SMYD4: variants seen among roughly 807,000 people sequenced by gnomAD.
The protein encoded by SMYD4 is SET and MYND domain containing 4.
In SMYD4, 68 loss-of-function variants were observed where a neutral mutation model predicts 72.8. The observed-to-expected ratio is 0.93, with a 90% CI of 0.77 to 1.14. The LOEUF (loss-of-function observed/expected upper bound fraction) is 1.14, where lower values mean the gene tolerates loss of function less well. Ranked by LOEUF, SMYD4 falls within the 50% of genes most tolerant of loss-of-function variation. The pLI is 0.00. For synonymous variants in SMYD4, 407 were observed against 388.6 expected (o/e 1.05, Z -0.56); for missense variants, 984 against 1,003.7 (o/e 0.98, Z 0.27).
intron 3 of SMYD4, among the ~76,000 whole-genome samples, chr17:1,811,320 G>A (rs573395844): frequency 3.9e-5 from 6 of 152,252 alleles, no homozygotes; most frequent in Non-Finnish European, 7.4e-5. Flanking sequence ...GACCACAGAT[G>A]CATGCCACCA....
chr17:1,803,739 T>C (rs980397249), intron 4 of SMYD4, among the ~76,000 whole-genome samples: 6 of 152,150 alleles, frequency 3.9e-5, no homozygotes, highest in African/African-American at 9.7e-5. Context: ...CCTCAAGTGA[T>C]CCGTCTGCCT....
chr17:1,798,323 G>A (rs1247646906), intron 5 of SMYD4, among the ~76,000 whole-genome samples: 1 of 151,926 alleles, frequency 6.6e-6, no homozygotes, highest in African/African-American at 2.4e-5. Flanking sequence ...GGCTAGTCTT[G>A]AACTCTTGAG....
intron 9 of SMYD4, 35 bp downstream of exon 9, chr17:1,783,325 G>A (rs746629076): frequency 1.9e-6 from 3 of 1,611,138 alleles, no homozygotes; most frequent in Non-Finnish European, 2.5e-6. Context: ...ACAGCAGACT[G>A]TTCCCGACGC....
At chr17:1,826,149 G>A (rs1911155573) in intron 2 of SMYD4, among the ~76,000 whole-genome samples, 2 of 152,048 alleles carry the variant, frequency 1.3e-5, no homozygotes, top group African/African-American at 4.8e-5. Flanking sequence ...AAGACAACCT[G>A]CTAGAAAATG....
chr17:1,818,677 C>T (rs1283437735), intron 2 of SMYD4, among the ~76,000 whole-genome samples: 5 of 150,750 alleles, frequency 3.3e-5, no homozygotes, highest in African/African-American at 4.9e-5. Context: ...ATTTTTTTTT[C>T]GAGACAGGTC....
At chr17:1,828,394 C>T (rs926127178) in intron 1 of SMYD4, among the ~76,000 whole-genome samples, 5 of 151,446 alleles carry the variant, frequency 3.3e-5, no homozygotes, top group Non-Finnish European at 7.4e-5. Context: ...TTCAAGGAAG[C>T]CTGAAACAAT....
chr17:1,787,549 G>C lies in SMYD4; in HGVS notation c.1593C>G (p.Ile531Met), dbSNP rs1338603572. 11 of 1,595,504 alleles carry C rather than the reference G, an allele frequency of 6.9e-6. No individual in the cohort carries two copies. The highest frequency in any genetic ancestry group is 1.3e-5 in the African/African-American group (1 of 74,634). The change falls in exon 6 of 11, where the codon ATC becomes ATG. Residue 531 changes from isoleucine to methionine, a missense_variant. Ile to Met is a conservative substitution (Grantham distance 10). Coordinates refer to ENST00000305513, the MANE Select transcript of SMYD4 (RefSeq NM_052928.3). ...GGTTCAGGAGGCTGATAACAGGGAA[G>C]ATGCCTGTGGCAAGGCGCACCTGCC... ...DSRQVRLATG[I>M]FPVISLLNHS...
chr17:1,801,397 C>G (rs937103006), intron 4 of SMYD4, among the ~76,000 whole-genome samples: 6 of 151,764 alleles, frequency 4.0e-5, no homozygotes, highest in Non-Finnish European at 8.8e-5. Context: ...CGCCACCACA[C>G]CCAGCTATTT....
intron 5 of SMYD4, among the ~76,000 whole-genome samples, chr17:1,788,458 C>A (rs1403109257): frequency 1.3e-5 from 2 of 151,742 alleles, no homozygotes; most frequent in African/African-American, 4.8e-5. Flanking sequence ...AAATTTTGTT[C>A]ATTTTGGCCG....
At chr17:1,799,297 C>T (rs1013621141) in intron 5 of SMYD4, among the ~76,000 whole-genome samples, 4 of 151,226 alleles carry the variant, frequency 2.6e-5, no homozygotes, top group African/African-American at 9.7e-5. Flanking sequence ...CATAGCTTTA[C>T]ACAACTCTGT....
intron 7 of SMYD4, among the ~76,000 whole-genome samples, chr17:1,785,712 A>G (rs954022296): frequency 1.0e-4 from 15 of 149,870 alleles, no homozygotes; most frequent in East Asian, 2.0e-4. Flanking sequence ...GTAAGCAGAG[A>G]TCGTGCCACT....
intron 3 of SMYD4, among the ~76,000 whole-genome samples, chr17:1,807,234 A>G (rs1363729614): frequency 1.3e-5 from 2 of 151,854 alleles, no homozygotes; most frequent in Non-Finnish European, 2.9e-5. Context: ...ACAGCAAAAG[A>G]CAGGAAACAA....
rs778377920 is a variant in SMYD4, at chr17:1,804,657, G to A, written c.338C>T (p.Ser113Leu). Residue 113 changes from serine to leucine, a missense_variant, in exon 4 of 11, where the codon TCG (serine) becomes TTG (leucine). Coordinates refer to ENST00000305513, the MANE Select transcript of SMYD4 (RefSeq NM_052928.3). Reference sequence around the variant, plus strand: ...CTGACCCAGGTGGAAGAGGGCTGCCGAGCGGTTAGCATGACACAGTGACAT... The same window carrying A: ...CTGACCCAGGTGGAAGAGGGCTGCCAAGCGGTTAGCATGACACAGTGACAT... The part of the protein sequence containing the change: ...EDMSLCHANR[S>L]AALFHLGQYE... 1.3e-5 allele frequency: 21 copies of A among 1,613,678 alleles called. No homozygotes were observed. Among genetic ancestry groups the A allele is most frequent in the Non-Finnish European group, 1.6e-5 (19 of 1,179,738 alleles).
chr17:1,808,486 G>GT (rs200825868), intron 3 of SMYD4, among the ~76,000 whole-genome samples: 681 of 151,594 alleles, frequency 4.5e-3, no homozygotes, highest in East Asian at 7.5e-3. Context: ...TGGTTATGAG[G>GT]TTTTTTTTTA....
At chr17:1,819,019 C>T (rs12601246) in intron 2 of SMYD4, among the ~76,000 whole-genome samples, 28,576 of 151,694 alleles carry the variant, frequency 0.19, 2,779 homozygotes, top group Middle Eastern at 0.2. Context: ...ATTCTGGTTT[C>T]GCTTCATTGT....
At position 1,780,735 on chromosome 17, in the gene SMYD4, C is replaced by T. The variant is rs1908318465; in HGVS notation, c.*551G>A. The T allele has an allele frequency of 6.6e-6, 1 of 151,964 alleles. No homozygotes were observed. Among genetic ancestry groups the T allele is most frequent in the Admixed American group, 6.6e-5 (1 of 15,198 alleles). 9.4% of individuals were successfully genotyped at this position (151,964 alleles called of 1,614,324 possible). A position where few individuals can be genotyped will look rare whatever the true frequency, so the allele number is the denominator to read the frequency against. ...CTCCCGGGTTCACCCCATTCTCCTG[C>T]CTCAACCTCCCGAGTAGCTGTGAAT... is the stretch of plus-strand genomic sequence containing the variant. On this transcript the variant is annotated 3_prime_UTR_variant, in exon 11 of 11. Transcript: ENST00000305513.
chr17:1,824,521 G>A (rs1161512902), intron 2 of SMYD4, among the ~76,000 whole-genome samples: 2 of 152,112 alleles, frequency 1.3e-5, no homozygotes, highest in African/African-American at 2.4e-5. Context: ...TGTTGTCGGA[G>A]GGACCTGATG....
At chr17:1,824,300 G>T (rs1461952332) in intron 2 of SMYD4, among the ~76,000 whole-genome samples, 1 of 152,110 alleles carries the variant, frequency 6.6e-6, no homozygotes, top group South Asian at 2.1e-4. Context: ...CTGAGATTGC[G>T]CCACTGCACT....
At chr17:1,783,277 A>T in intron 9 of SMYD4, 83 bp downstream of exon 9, 1 of 1,610,370 alleles carries the variant, frequency 6.2e-7, no homozygotes. Flanking sequence ...AGCGGGGGGT[A>T]ACCAGGCAGA....
Sources: gnomAD v4.1 joint callset for allele counts (sites outside exome capture counted in the v4.1 genomes callset) on GRCh38, gnomAD v4.1.1 for gene constraint, MANE v1.5 for transcripts, NCBI Gene and HGNC (gene_info 2026-07-23, HGNC 2026-07-21) for gene names.